The following CSMD1 variants were observed in gnomAD, a reference collection of about 807,000 sequenced individuals.
CSMD1 encodes the protein CUB and Sushi multiple domains 1.
A neutral mutation model predicts 417.5 loss-of-function variants in CSMD1; 213 were observed. The ratio of observed to expected loss-of-function variants is 0.51; its 90% confidence interval spans 0.46 to 0.57. The LOEUF (loss-of-function observed/expected upper bound fraction) is 0.57. Among genes scored for constraint, CSMD1 ranks in the 20% least tolerant of loss-of-function variants. CSMD1 has a pLI of 0.00. For synonymous variants in CSMD1, 2,862 were observed against 1,736.8 expected (o/e 1.65, Z -16.11); for missense variants, 6,923 against 4,529.7 (o/e 1.53, Z -15.17).
At chr8:3,663,767 C>G (rs1798542192) in intron 7 of CSMD1, among the ~76,000 whole-genome samples, 1 of 152,160 alleles carries the variant, frequency 6.6e-6, no homozygotes, top group South Asian at 2.1e-4. Flanking sequence ...ACGTTCACCT[C>G]ACATATGCTG....
At chr8:4,315,563 G>A (rs1225435634) in intron 3 of CSMD1, among the ~76,000 whole-genome samples, 1 of 152,142 alleles carries the variant, frequency 6.6e-6, no homozygotes, top group African/African-American at 2.4e-5. Flanking sequence ...AGTGCTTAAG[G>A]AGAACCAATC....
chr8:3,157,851 T>G, intron 39 of CSMD1, 46 bp downstream of exon 39: 1 of 1,462,684 alleles, frequency 6.8e-7, no homozygotes. Context: ...GGCATGTTCT[T>G]CCCAGTGTGT....
At chr8:4,444,699 ACTCT>A (rs1465094094) in intron 2 of CSMD1, among the ~76,000 whole-genome samples, 2 of 152,156 alleles carry the variant, frequency 1.3e-5, no homozygotes, top group African/African-American at 4.8e-5. Context: ...AAGCAGGGTC[ACTCT>A]AAGCACAGGT....
intron 7 of CSMD1, among the ~76,000 whole-genome samples, chr8:3,623,506 T>C (rs866651609): frequency 1.3e-5 from 2 of 152,220 alleles, no homozygotes; most frequent in Admixed American, 6.5e-5. Flanking sequence ...TCAGAATTAA[T>C]TACAAATGAA....
At position 3,362,103 on chromosome 8, in the gene CSMD1, G is replaced by A. The variant is rs1342488081; in HGVS notation, c.3116-2763C>T. 1.3e-5 allele frequency among the ~76,000 whole-genome samples: 2 copies of A among 151,846 alleles called. 1 individual carries two copies. Among genetic ancestry groups the A allele is most frequent in the African/African-American group, 4.8e-5 (2 of 41,296 alleles). ...TCATCAATTCTCTTATTTCCATCAA[G>A]ATAAAAATATGCGTTACACGGTCAA... On this transcript the variant is annotated intron_variant, in intron 20 of 69. Transcript: ENST00000635120.
chr8:3,748,923 A>G (rs956044686), intron 6 of CSMD1, among the ~76,000 whole-genome samples: 8 of 152,336 alleles, frequency 5.3e-5, no homozygotes, highest in East Asian at 3.9e-4. Context: ...CCCTATAAAA[A>G]TTGGAATTTT....
chr8:4,240,608 G>A (rs1802341590), intron 3 of CSMD1, among the ~76,000 whole-genome samples: 1 of 152,188 alleles, frequency 6.6e-6, no homozygotes, highest in Admixed American at 6.5e-5. Context: ...CTTTCACACT[G>A]AGGATGGCTA....
intron 3 of CSMD1, among the ~76,000 whole-genome samples, chr8:4,380,845 C>A (rs982619400): frequency 2.0e-5 from 3 of 152,072 alleles, no homozygotes; most frequent in Non-Finnish European, 2.9e-5. Flanking sequence ...TGTTTAATAT[C>A]TCATTATTTT....
chr8:4,669,590 A>C (rs1805164892), intron 1 of CSMD1, among the ~76,000 whole-genome samples: 1 of 152,168 alleles, frequency 6.6e-6, no homozygotes, highest in Non-Finnish European at 1.5e-5. Context: ...CTCTGGAAGC[A>C]TTAGGGTAGC....
At chr8:4,219,495 G>T (rs553638940) in intron 3 of CSMD1, among the ~76,000 whole-genome samples, 123 of 152,024 alleles carry the variant, frequency 8.1e-4, no homozygotes, top group African/African-American at 2.7e-3. Flanking sequence ...TCCGTCTCTT[G>T]GGTGTTCCCA....
chr8:4,730,328 G>C (rs772500930), intron 1 of CSMD1, among the ~76,000 whole-genome samples: 1 of 152,170 alleles, frequency 6.6e-6, no homozygotes, highest in Non-Finnish European at 1.5e-5. Context: ...TCAAAGAAAT[G>C]TTGCAGGCTA....
intron 8 of CSMD1, among the ~76,000 whole-genome samples, chr8:3,604,146 G>C (rs7837135): frequency 0.22 from 33,783 of 152,180 alleles, 3,937 homozygotes; most frequent in Admixed American, 0.27. Context: ...ATAAAACAAA[G>C]TTCTTCTCTC....
At chr8:3,137,504 C>A (rs1425756472) in intron 41 of CSMD1, among the ~76,000 whole-genome samples, 1 of 152,204 alleles carries the variant, frequency 6.6e-6, no homozygotes, top group East Asian at 1.9e-4. Flanking sequence ...ATGACCGTCA[C>A]CTTCATGCAG....
intron 2 of CSMD1, among the ~76,000 whole-genome samples, chr8:4,557,221 C>A (rs1266582589): frequency 6.6e-6 from 1 of 152,152 alleles, no homozygotes. Context: ...TGCTACCAGA[C>A]AGCTACCCTC....
chr8:3,643,539 A>G (rs1414350375), intron 7 of CSMD1, among the ~76,000 whole-genome samples: 1 of 151,960 alleles, frequency 6.6e-6, no homozygotes, highest in Non-Finnish European at 1.5e-5. Flanking sequence ...AGTCTCTACT[A>G]AAAATACAAA....
At chr8:4,036,392 T>G (rs1585178793) in intron 3 of CSMD1, among the ~76,000 whole-genome samples, 1 of 152,282 alleles carries the variant, frequency 6.6e-6, no homozygotes, top group African/African-American at 2.4e-5. Flanking sequence ...TTTCCAGCAG[T>G]GTAGAAATGT....
In CSMD1 at chr8:3,750,030, G is replaced by C. The variant is rs574076612; in HGVS notation, c.931+3900C>G. Among the ~76,000 whole-genome samples, 33 of 152,208 alleles carry C rather than the reference G, an allele frequency of 2.2e-4. No homozygotes were observed. The South Asian group carries it at 5.6e-3, about 26-fold the overall frequency. On this transcript the variant is annotated intron_variant, in intron 6 of 69. Coordinates refer to ENST00000635120, the MANE Select transcript of CSMD1 (RefSeq NM_033225.6). ...TTCTACCAATAGTGCAAAAAATATA[G>C]TCATTATTGAGTTCTTTATGTTTTA...
intron 3 of CSMD1, among the ~76,000 whole-genome samples, chr8:4,125,314 C>G (rs556607709): frequency 2.6e-5 from 4 of 152,336 alleles, no homozygotes; most frequent in Admixed American, 6.5e-5. Flanking sequence ...TTTGGAAAAG[C>G]TAATTAGAAA....
At chr8:4,607,266 G>A (rs982994814) in intron 2 of CSMD1, among the ~76,000 whole-genome samples, 1 of 147,564 alleles carries the variant, frequency 6.8e-6, no homozygotes, top group East Asian at 2.0e-4. Flanking sequence ...GTGATAAGTA[G>A]AAAATATGGA....
Sources: gnomAD v4.1 joint callset for allele counts (sites outside exome capture counted in the v4.1 genomes callset) on GRCh38, gnomAD v4.1.1 for gene constraint, MANE v1.5 for transcripts, NCBI Gene and HGNC (gene_info 2026-07-23, HGNC 2026-07-21) for gene names.